Variants in PLXNA4 observed in about 807,000 individuals in gnomAD.
The protein encoded by PLXNA4 is plexin A4, also known as plexin-A4.
In PLXNA4, 44 loss-of-function variants were observed where a neutral mutation model predicts 191.8. The observed-to-expected ratio is 0.23, with a 90% CI of 0.18 to 0.29. The LOEUF (loss-of-function observed/expected upper bound fraction) is 0.29, where lower values mean the gene tolerates loss of function less well. Ranked by LOEUF, PLXNA4 falls within the 10% of genes least tolerant of loss-of-function variation. The pLI is 1.00. For missense variants in PLXNA4, 1,800 were observed against 2,488.8 expected (o/e 0.72, Z 5.89); for synonymous variants, 1,082 against 1,009.5 (o/e 1.07, Z -1.36).
intron 3 of PLXNA4, among the ~76,000 whole-genome samples, chr7:132,430,009 G>A (rs1316487893): frequency 2.0e-5 from 3 of 152,170 alleles, no homozygotes; most frequent in Admixed American, 1.3e-4. Flanking sequence ...ATATGGAAGA[G>A]GAATTGCGTC....
intron 3 of PLXNA4, among the ~76,000 whole-genome samples, chr7:132,470,652 T>A (rs1428866492): frequency 6.6e-6 from 1 of 152,198 alleles, no homozygotes; most frequent in Non-Finnish European, 1.5e-5. Flanking sequence ...GGCACACTCA[T>A]ATCACATGAG....
intron 1 of PLXNA4, among the ~76,000 whole-genome samples, chr7:132,515,668 C>G (rs1317542380): frequency 6.6e-6 from 1 of 152,180 alleles, no homozygotes; most frequent in Non-Finnish European, 1.5e-5. Flanking sequence ...GAATCAAACA[C>G]AACACTTCCC....
At chr7:132,385,426 T>C (rs1203873696) in intron 3 of PLXNA4, 2 of 1,309,866 alleles carry the variant, frequency 1.5e-6, no homozygotes, top group Non-Finnish European at 2.0e-6. Context: ...TAAATATGTA[T>C]TACAAAATGT....
chr7:132,324,246 A>G (rs868757151), intron 3 of PLXNA4, among the ~76,000 whole-genome samples: 13 of 152,168 alleles, frequency 8.5e-5, no homozygotes, highest in African/African-American at 3.1e-4. Context: ...AAAAAGAGAA[A>G]AATTTAAAAG....
intron 4 of PLXNA4, among the ~76,000 whole-genome samples, chr7:132,268,586 C>G (rs1413415085): frequency 6.6e-6 from 1 of 152,112 alleles, no homozygotes; most frequent in Non-Finnish European, 1.5e-5. Context: ...TACATAGGAG[C>G]AGAGGGGATC....
At chr7:132,211,708 C>A (rs1381014666) in intron 9 of PLXNA4, among the ~76,000 whole-genome samples, 1 of 152,196 alleles carries the variant, frequency 6.6e-6, no homozygotes, top group Non-Finnish European at 1.5e-5. Context: ...CCTCATAAAT[C>A]CAGAAAGCTT....
chr7:132,562,954 TCTC>T (rs1563175079), intron 1 of PLXNA4, among the ~76,000 whole-genome samples: 3 of 34,754 alleles, frequency 8.6e-5, no homozygotes, highest in Non-Finnish European at 1.5e-4. Context: ...CTCCTCCTCC[TCTC>T]CCTCCTCCTC....
At chr7:132,553,364 T>A (rs1800649331) in intron 1 of PLXNA4, among the ~76,000 whole-genome samples, 1 of 152,062 alleles carries the variant, frequency 6.6e-6, no homozygotes, top group African/African-American at 2.4e-5. Context: ...TTCATAACAG[T>A]CAGAAGGATC....
rs10954361 is a variant in PLXNA4, at chr7:132,130,584, G to A, written c.5590-10C>T. 1,211,716 of 1,613,362 alleles carry A rather than the reference G, an allele frequency of 0.75. 458,905 individuals carry two copies. Among genetic ancestry groups the A allele is most frequent in the East Asian group, 0.81 (36,533 of 44,844 alleles). ...CCAGAGGTCCAAGGATCTGCGGAAG[G>A]GCCAAGAACAGGGAGATTACTCATT... On this transcript the variant is annotated splice_polypyrimidine_tract_variant and intron_variant, in intron 31 of 31. Transcript: ENST00000321063.
At chr7:132,621,411 C>A (rs981646499) in intron 2 of PLXNA4, among the ~76,000 whole-genome samples, 1 of 152,028 alleles carries the variant, frequency 6.6e-6, no homozygotes, top group Non-Finnish European at 1.5e-5. Flanking sequence ...CAGGCGCATG[C>A]CACCATGCCC....
chr7:132,563,999 TCCTCCTC>T (rs1328179421), intron 1 of PLXNA4, among the ~76,000 whole-genome samples: 4 of 86,600 alleles, frequency 4.6e-5, no homozygotes, highest in African/African-American at 1.4e-4. Flanking sequence ...CTCCTCCTTC[TCCTCCTC>T]CTTCTCCTCC....
intron 1 of PLXNA4, among the ~76,000 whole-genome samples, chr7:132,560,336 T>C (rs540480367): frequency 3.0e-4 from 46 of 152,178 alleles, no homozygotes; most frequent in Non-Finnish European, 5.4e-4. Context: ...CTTTTTCCAC[T>C]GGAAAGTAGT....
At chr7:132,388,083 G>A (rs28481298) in intron 3 of PLXNA4, among the ~76,000 whole-genome samples, 11,670 of 152,238 alleles carry the variant, frequency 0.077, 479 homozygotes, top group Middle Eastern at 0.088. Context: ...CAAGTGAGGA[G>A]AGTAGTCACA....
At chr7:132,450,836 G>A (rs1796093654) in intron 3 of PLXNA4, among the ~76,000 whole-genome samples, 1 of 152,190 alleles carries the variant, frequency 6.6e-6, no homozygotes, top group Non-Finnish European at 1.5e-5. Flanking sequence ...ATGGCCTGGA[G>A]CTCCCTGAGC....
intron 1 of PLXNA4, among the ~76,000 whole-genome samples, chr7:132,534,462 C>G (rs1035626238): frequency 7.2e-5 from 11 of 152,174 alleles, no homozygotes; most frequent in African/African-American, 2.4e-4. Context: ...GTCCACATAT[C>G]TAAGCCTGAT....
Position 132,489,418 on chromosome 7 carries a change from C to A in PLXNA4, c.1245G>T (p.Val415=). 6.2e-7 allele frequency: 1 copy of A among 1,603,252 alleles called. No individual in the cohort carries two copies. Residue 415 remains valine, a synonymous_variant, in exon 3 of 32, where the codon GTG becomes GTT. Coordinates refer to ENST00000321063, the MANE Select transcript of PLXNA4 (RefSeq NM_020911.2). The part of the protein sequence containing the change: ...CGLDMNAPLG[V]SDMVRGIPVF... ...CGGGAATTCCACGCACCATGTCGGA[C>A]ACTCCCAGGGGAGCATTCATGTCCA...
At chr7:132,311,812 ACAGTCAGAAAAT>A (rs1801754138) in intron 3 of PLXNA4, among the ~76,000 whole-genome samples, 1 of 152,172 alleles carries the variant, frequency 6.6e-6, no homozygotes, top group Admixed American at 6.5e-5. Context: ...TGAATAGTTT[ACAGTCAGAAAAT>A]CTGTTCCCAA....
intron 3 of PLXNA4, among the ~76,000 whole-genome samples, chr7:132,355,995 G>A (rs1803689348): frequency 1.3e-5 from 2 of 152,238 alleles, no homozygotes; most frequent in Middle Eastern, 3.4e-3. Context: ...GAGCGAGGAG[G>A]GGGTTTAGGA....
intron 12 of PLXNA4, among the ~76,000 whole-genome samples, chr7:132,199,949 C>T (rs1435901312): frequency 6.6e-6 from 1 of 152,150 alleles, no homozygotes; most frequent in Non-Finnish European, 1.5e-5. Flanking sequence ...GAGACACAGG[C>T]CCATTTCTAT....
Sources: gnomAD v4.1 joint callset for allele counts (sites outside exome capture counted in the v4.1 genomes callset) on GRCh38, gnomAD v4.1.1 for gene constraint, MANE v1.5 for transcripts, NCBI Gene and HGNC (gene_info 2026-07-23, HGNC 2026-07-21) for gene names.